The following RXFP1 variants were observed in gnomAD, a reference collection of about 807,000 sequenced individuals.
The protein encoded by RXFP1 is relaxin receptor 1.
RXFP1 carries 73 observed loss-of-function variants against 89.8 expected under a neutral mutation model. That is an observed-to-expected ratio of 0.81 (90% confidence interval 0.67 to 0.99). The LOEUF (loss-of-function observed/expected upper bound fraction) is 0.99. RXFP1 is among the 50% of genes least tolerant of loss of function. RXFP1 has a pLI of 0.00. For missense variants in RXFP1, 793 were observed against 895.5 expected (o/e 0.89, Z 1.46); for synonymous variants, 277 against 305.5 (o/e 0.91, Z 0.97).
At chr4:158,646,662 T>A in intron 15 of RXFP1, 129 bp from the exon 16 acceptor site, 3 of 1,450,770 alleles carry the variant, frequency 2.1e-6, no homozygotes, top group Non-Finnish European at 2.7e-6. Context: ...ATTAGGAGAA[T>A]AAAAATTACC....
chr4:158,550,122 T>C (rs1204467205), intron 1 of RXFP1, among the ~76,000 whole-genome samples: 1 of 152,250 alleles, frequency 6.6e-6, no homozygotes, highest in Non-Finnish European at 1.5e-5. Flanking sequence ...TCCCAGCTGC[T>C]TTGTTTACCT....
In RXFP1 at chr4:158,633,327, G is replaced by A. The variant is rs991464445; in HGVS notation, c.900-78G>A. On this transcript the variant is annotated intron_variant, in intron 11 of 17. Coordinates refer to ENST00000307765, the MANE Select transcript of RXFP1 (RefSeq NM_021634.4). The stretch of plus-strand genomic sequence containing the variant: ...AATGGCATTGTTGAAAAGTTGTATA[G>A]TGGTTTCCTAATGAATTTCAGAACA... 3.2e-6 allele frequency: 3 copies of A among 934,446 alleles called. No homozygotes were observed. In the African/African-American group the frequency reaches 4.9e-5, roughly 15 times the overall value. 57.9% of individuals were successfully genotyped at this position (934,446 alleles called of 1,614,324 possible).
Position 158,615,326 on chromosome 4 carries a change from C to T in RXFP1, c.681-1805C>T, listed in dbSNP as rs139004899. 2.6e-3 allele frequency among the ~76,000 whole-genome samples: 397 copies of T among 151,918 alleles called. No individual in the cohort carries two copies. The East Asian group carries it at 0.029, about 11-fold the overall frequency. ...CCAAGGCGGGCAGATCATCTGAGGT[C>T]AGGAGTTCAAGACCAGCCTGACCAA... On this transcript the variant is annotated intron_variant, in intron 8 of 17. Coordinates refer to ENST00000307765, the MANE Select transcript of RXFP1 (RefSeq NM_021634.4).
intron 14 of RXFP1, among the ~76,000 whole-genome samples, chr4:158,641,226 C>T (rs2150240536): frequency 6.6e-6 from 1 of 152,232 alleles, no homozygotes; most frequent in Non-Finnish European, 1.5e-5. Context: ...AATGGTATAA[C>T]ACAGAATCTG....
At chr4:158,541,259 A>G (rs950128066) in intron 1 of RXFP1, among the ~76,000 whole-genome samples, 2 of 152,046 alleles carry the variant, frequency 1.3e-5, no homozygotes, top group East Asian at 3.8e-4. Context: ...TTATAAATAC[A>G]CAGGAGAAGT....
chr4:158,647,314 C>G, intron 16 of RXFP1, 113 bp downstream of exon 16: 1 of 836,034 alleles, frequency 1.2e-6, no homozygotes, highest in South Asian at 2.0e-5. Context: ...GGATTTTCCT[C>G]CCCAAATTAT....
chr4:158,593,074 G>A (rs1387921578), intron 2 of RXFP1, among the ~76,000 whole-genome samples: 1 of 147,180 alleles, frequency 6.8e-6, no homozygotes, highest in African/African-American at 2.6e-5. Context: ...GCGACCAGGC[G>A]AGACTCTGTC....
chr4:158,585,191 TAAACAAAA>T (rs1758062072), intron 2 of RXFP1, among the ~76,000 whole-genome samples: 1 of 152,190 alleles, frequency 6.6e-6, no homozygotes, highest in Admixed American at 6.5e-5. Flanking sequence ...TGGAAAGAGT[TAAACAAAA>T]TTAAAGCTAT....
At chr4:158,584,925 T>G in intron 2 of RXFP1, among the ~76,000 whole-genome samples, 1 of 152,114 alleles carries the variant, frequency 6.6e-6, no homozygotes, top group Non-Finnish European at 1.5e-5. Flanking sequence ...AAATCAGAAG[T>G]TTTTAACGTT....
In RXFP1 at chr4:158,638,089, C is replaced by T; in HGVS notation, c.1043+10C>T. 6.7e-7 allele frequency: 1 copy of T among 1,499,756 alleles called. No homozygotes were observed. The highest frequency in any genetic ancestry group is 9.3e-7 in the Non-Finnish European group (1 of 1,080,634). The allele number at this position is 1,499,756 out of a possible 1,614,324, so 92.9% of individuals were successfully genotyped here. On this transcript the variant is annotated intron_variant, in intron 13 of 17. Coordinates refer to ENST00000307765, the MANE Select transcript of RXFP1 (RefSeq NM_021634.4). ...TCAAACTCAAGTCTCTGTAAGTATT[C>T]ACATATGGGGATAGTTTTATGATAA...
chr4:158,529,129 T>A (rs925463978), intron 1 of RXFP1, among the ~76,000 whole-genome samples: 7 of 152,216 alleles, frequency 4.6e-5, no homozygotes, highest in African/African-American at 1.7e-4. Context: ...GCATCCTCAC[T>A]GTTATGTTAA....
At chr4:158,543,930 T>C in intron 1 of RXFP1, 3 of 985,224 alleles carry the variant, frequency 3.0e-6, no homozygotes, top group African/African-American at 1.7e-5. Flanking sequence ...ATCGATATAG[T>C]AGTATCTGCC....
chr4:158,645,991 T>G (rs1468815124), intron 15 of RXFP1, among the ~76,000 whole-genome samples: 1 of 152,210 alleles, frequency 6.6e-6, no homozygotes, highest in Non-Finnish European at 1.5e-5. Context: ...ACTTCAGAGT[T>G]AAAGGCTTAG....
At position 158,645,033 on chromosome 4, in the gene RXFP1, G is replaced by A. The variant is rs759193196; in HGVS notation, c.1240G>A (p.Val414Ile). 5.6e-6 allele frequency: 9 copies of A among 1,614,110 alleles called. No homozygotes were observed. Among genetic ancestry groups the A allele is most frequent in the Non-Finnish European group, 7.6e-6 (9 of 1,179,982 alleles). ...ASIIQRVFVW[V>I]VSAVTCFGNI... ...CATTATTCAGAGAGTATTTGTCTGG[G>A]TTGTATCTGCAGTTACCTGCTTTGG... is the stretch of plus-strand genomic sequence containing the variant. The change falls in exon 15 of 18, where the codon GTT (valine) becomes ATT (isoleucine). Residue 414 changes from valine to isoleucine, a missense_variant. Coordinates refer to ENST00000307765, the MANE Select transcript of RXFP1 (RefSeq NM_021634.4).
intron 2 of RXFP1, among the ~76,000 whole-genome samples, chr4:158,589,532 G>T (rs1758992102): frequency 6.6e-6 from 1 of 152,138 alleles, no homozygotes; most frequent in Non-Finnish European, 1.5e-5. Flanking sequence ...GGTAATGAAA[G>T]GGCCTGAGGA....
At chr4:158,531,858 G>A (rs1744119865) in intron 1 of RXFP1, among the ~76,000 whole-genome samples, 1 of 152,094 alleles carries the variant, frequency 6.6e-6, no homozygotes, top group African/African-American at 2.4e-5. Context: ...AAAGTAGCTT[G>A]GTTTTAAAAT....
Position 158,626,897 on chromosome 4 carries a change from T to A in RXFP1, c.827+6T>A. ...TGCAGTAATTTAACTGTTTTGTAAG[T>A]AATATGCTATGCTTTTGAAGTAATA... On this transcript the variant is annotated splice_donor_region_variant and intron_variant, in intron 10 of 17. Transcript: ENST00000307765. 1 of 1,344,618 alleles carries A rather than the reference T, an allele frequency of 7.4e-7. No homozygotes were observed. The highest frequency in any genetic ancestry group is 1.0e-6 in the Non-Finnish European group (1 of 960,396). 83.3% of individuals were successfully genotyped at this position (1,344,618 alleles called of 1,614,324 possible). A position where few individuals can be genotyped will look rare whatever the true frequency, so the allele number is the denominator to read the frequency against.
At chr4:158,569,849 T>C (rs1227651132) in intron 1 of RXFP1, among the ~76,000 whole-genome samples, 1 of 152,108 alleles carries the variant, frequency 6.6e-6, no homozygotes, top group Non-Finnish European at 1.5e-5. Context: ...TTCGAAACAA[T>C]TGGACAACCA....
At chr4:158,615,753 G>A (rs1253385134) in intron 8 of RXFP1, among the ~76,000 whole-genome samples, 3 of 151,884 alleles carry the variant, frequency 2.0e-5, no homozygotes, top group Non-Finnish European at 4.4e-5. Context: ...AGACCAGCCT[G>A]GGCAATATAG....
Sources: allele counts gnomAD v4.1 joint callset (sites outside exome capture counted in the v4.1 genomes callset), GRCh38; gene constraint gnomAD v4.1.1; transcripts MANE v1.5; gene names NCBI Gene and HGNC (gene_info 2026-07-23, HGNC 2026-07-21).